The following ZFHX4 variants were observed in gnomAD, a reference collection of about 807,000 sequenced individuals.
The protein encoded by ZFHX4 is zinc finger homeobox protein 4.
A neutral mutation model predicts 267.6 loss-of-function variants in ZFHX4; 56 were observed. The ratio of observed to expected loss-of-function variants is 0.21; its 90% CI spans 0.17 to 0.26. ZFHX4 has a LOEUF of 0.26. ZFHX4 is among the 10% of genes least tolerant of loss of function. The pLI is 1.00. For missense variants in ZFHX4, 4,332 were observed against 4,420.0 expected (o/e 0.98, Z 0.56); for synonymous variants, 1,778 against 1,665.6 (o/e 1.07, Z -1.64).
rs537411500 is a variant in ZFHX4 at position 76,833,356 on chromosome 8, C to T, written c.3344C>T (p.Ala1115Val). Residue 1115 changes from alanine (A) to valine (V), a missense_variant, in exon 5 of 11, where the codon GCC (alanine) becomes GTC (valine). Ala to Val is a moderately conservative substitution (Grantham distance 64). Around this residue, in one of 7 missense-constraint regions of ZFHX4, gnomAD observed 1,371 missense variants for 1,423.1 expected, o/e 0.96. Transcript: ENST00000651372. The part of the protein sequence containing the change: ...PNELETASLG[A>V]RTCDDDLTEQ... ...TCTGCAGAAACTGCCTCATTGGGAG[C>T]CAGGACTTGTGATGATGATCTTACA... is the stretch of plus-strand genomic sequence containing the variant. 5 of 1,610,660 alleles carry T rather than the reference C, an allele frequency of 3.1e-6. No homozygotes were observed. The highest frequency in any genetic ancestry group is 4.2e-6 in the Non-Finnish European group (5 of 1,178,286).
intron 3 of ZFHX4, among the ~76,000 whole-genome samples, chr8:76,737,637 A>G (rs1285297174): frequency 6.6e-6 from 1 of 152,124 alleles, no homozygotes; most frequent in Admixed American, 6.6e-5. Context: ...TTTACTACCT[A>G]TATAATAAGG....
chr8:76,793,844 A>G (rs1810902566), intron 4 of ZFHX4, among the ~76,000 whole-genome samples: 1 of 152,172 alleles, frequency 6.6e-6, no homozygotes, highest in Non-Finnish European at 1.5e-5. Context: ...ACACAAATCA[A>G]AACAATAATT....
intron 1 of ZFHX4, 55 bp from the exon 2 acceptor site, chr8:76,703,988 T>G: frequency 8.5e-7 from 1 of 1,178,910 alleles, no homozygotes; most frequent in South Asian, 1.6e-5. Context: ...GGGCTATTAG[T>G]GAGCTGTGTC....
intron 4 of ZFHX4, among the ~76,000 whole-genome samples, chr8:76,831,296 C>T (rs1161432042): frequency 6.6e-6 from 1 of 152,028 alleles, no homozygotes; most frequent in South Asian, 2.1e-4. Flanking sequence ...CTATATGATA[C>T]GTTGAAATGT....
At chr8:76,861,897 C>T (rs1812878212) in intron 10 of ZFHX4, among the ~76,000 whole-genome samples, 1 of 151,752 alleles carries the variant, frequency 6.6e-6, no homozygotes, top group Non-Finnish European at 1.5e-5. Flanking sequence ...ACTTTATTCA[C>T]CTTCTCCTGG....
At chr8:76,841,397 C>A (rs1812229681) in intron 5 of ZFHX4, among the ~76,000 whole-genome samples, 1 of 152,034 alleles carries the variant, frequency 6.6e-6, no homozygotes, top group Non-Finnish European at 1.5e-5. Flanking sequence ...GTGGAGAGGG[C>A]CACGATTTCC....
chr8:76,815,013 A>G (rs1811468894), intron 4 of ZFHX4, among the ~76,000 whole-genome samples: 1 of 152,166 alleles, frequency 6.6e-6, no homozygotes, highest in Non-Finnish European at 1.5e-5. Context: ...TAGTTCCTTT[A>G]GAAGAAAGGA....
rs200557575 is a variant in ZFHX4, at chr8:76,816,855, CA to C, written c.3326-16479del. Among the ~76,000 whole-genome samples the C allele has an allele frequency of 7.5e-3, 1,137 of 152,212 alleles. 10 individuals carry two copies. Among genetic ancestry groups the C allele is most frequent in the African/African-American group, 0.026 (1,078 of 41,544 alleles). On this transcript the variant is annotated intron_variant, in intron 4 of 10. Coordinates refer to ENST00000651372, the MANE Select transcript of ZFHX4 (RefSeq NM_024721.5). ...AGGTGATCTGCCCGCCTTGGCCTCT[CA>C]AAATGCTGGGATTACAGGTGTGAGC...
intron 3 of ZFHX4, 53 bp downstream of exon 3, chr8:76,708,101 C>A (rs1288020814): frequency 1.2e-6 from 2 of 1,602,326 alleles, no homozygotes; most frequent in African/African-American, 2.7e-5. Flanking sequence ...GGAATTAACT[C>A]TTTCAGAGCT....
At chr8:76,740,537 AG>A (rs1440113060) in intron 3 of ZFHX4, among the ~76,000 whole-genome samples, 1 of 152,166 alleles carries the variant, frequency 6.6e-6, no homozygotes, top group Admixed American at 6.5e-5. Flanking sequence ...GAAAGAGTCA[AG>A]GAGAAAACAC....
chr8:76,729,759 T>C (rs1332210119), intron 3 of ZFHX4, among the ~76,000 whole-genome samples: 1 of 152,140 alleles, frequency 6.6e-6, no homozygotes, highest in African/African-American at 2.4e-5. Context: ...TGTGAACCTT[T>C]CACCCCAAAA....
Position 76,850,882 on chromosome 8 carries a change from A to G in ZFHX4, c.3965-4A>G. Reference sequence around the variant, plus strand: ...AGAGAGATGTTTGTGCTTTTTCCTAATAGGTGAAAGTCCAATGGATGACAA... The same window carrying G: ...AGAGAGATGTTTGTGCTTTTTCCTAGTAGGTGAAAGTCCAATGGATGACAA... On this transcript the variant is annotated splice_region_variant and splice_polypyrimidine_tract_variant and intron_variant, in intron 9 of 10. Transcript: ENST00000651372. 1.3e-6 allele frequency: 2 copies of G among 1,578,834 alleles called. No homozygotes were observed. The highest frequency in any genetic ancestry group is 1.7e-6 in the Non-Finnish European group (2 of 1,165,586).
Position 76,707,992 on chromosome 8 carries a change from A to G in ZFHX4, c.3037A>G (p.Lys1013Glu). 1.2e-6 allele frequency: 2 copies of G among 1,614,034 alleles called. No homozygotes were observed. The highest frequency in any genetic ancestry group is 8.5e-7 in the Non-Finnish European group (1 of 1,179,904). ...TGACTATTACACCAACAGTGTGGAT[A>G]AATTACGCTTGCATACCACCAATCA... ...ACDYYTNSVDKLRLHTTNHRH... is the reference protein window; with the variant it reads ...ACDYYTNSVDELRLHTTNHRH... The change falls in exon 3 of 11, where the codon AAA (lysine) becomes GAA (glutamate). Residue 1013 changes from lysine (K) to glutamate (E), a missense_variant. By Grantham distance (56) the Lys-to-Glu change is moderately conservative (BLOSUM62 1). This residue lies in a region of ZFHX4 where 1,371 missense variants were observed against 1,423.1 expected (regional missense o/e 0.96). Transcript: ENST00000651372.
rs937059487 is a variant in ZFHX4 at position 76,858,875 on chromosome 8, T to C, written c.9379+2575T>C. Among the ~76,000 whole-genome samples, 3 of 152,234 alleles carry C rather than the reference T, an allele frequency of 2.0e-5. No homozygotes were observed. The South Asian group carries it at 6.2e-4, about 31-fold the overall frequency. On this transcript the variant is annotated intron_variant, in intron 10 of 10. Transcript: ENST00000651372. ...TCTTTGAGAATATGACAAGTTCCCC[T>C]TGGCTCCTTTTTAATAAGATTTAGT...
intron 3 of ZFHX4, among the ~76,000 whole-genome samples, chr8:76,719,940 A>G (rs1383193595): frequency 1.3e-5 from 2 of 152,188 alleles, no homozygotes; most frequent in Non-Finnish European, 2.9e-5. Context: ...TTGAGAGTAC[A>G]GTGAATCTTG....
chr8:76,828,050 T>C (rs1250863778), intron 4 of ZFHX4, among the ~76,000 whole-genome samples: 1 of 152,206 alleles, frequency 6.6e-6, no homozygotes, highest in Non-Finnish European at 1.5e-5. Context: ...AGTCTTTGTA[T>C]CCGCATAGGA....
chr8:76,738,372 C>G lies in ZFHX4; in HGVS notation c.3093+30324C>G, dbSNP rs1465536661. On this transcript the variant is annotated intron_variant, in intron 3 of 10. Coordinates refer to ENST00000651372, the MANE Select transcript of ZFHX4 (RefSeq NM_024721.5). The stretch of plus-strand genomic sequence containing the variant: ...GAGGATCAGGTAAATATTTGGTAAG[C>G]TGATTCTGAAAGATGGCTGATCATG... Among the ~76,000 whole-genome samples, 3 of 152,094 alleles carry G rather than the reference C, an allele frequency of 2.0e-5. No individual in the cohort carries two copies. The East Asian group carries it at 5.8e-4, about 29-fold the overall frequency.
At chr8:76,753,905 G>A (rs968582844) in intron 3 of ZFHX4, among the ~76,000 whole-genome samples, 5 of 151,614 alleles carry the variant, frequency 3.3e-5, no homozygotes, top group South Asian at 2.1e-4. Context: ...TGGGATCACC[G>A]GCATGAGCCA....
intron 3 of ZFHX4, among the ~76,000 whole-genome samples, chr8:76,718,608 C>G (rs1483711718): frequency 1.3e-5 from 2 of 151,966 alleles, no homozygotes; most frequent in Non-Finnish European, 2.9e-5. Context: ...GAAAAATAGT[C>G]TTGGCTCTCT....
Sources: allele counts gnomAD v4.1 joint callset (sites outside exome capture counted in the v4.1 genomes callset), GRCh38; gene constraint gnomAD v4.1.1; regional missense constraint gnomAD v4.1.1; transcripts MANE v1.5; gene names NCBI Gene and HGNC (gene_info 2026-07-23, HGNC 2026-07-21).